The following POFUT3 variants were observed in gnomAD, a reference collection of about 807,000 sequenced individuals.
POFUT3 encodes the protein protein O-fucosyltransferase 3.
At chr8:33,431,508 C>T in the POFUT3 span, among the ~76,000 whole-genome samples, 1,078 of 120,322 alleles carry the variant, frequency 9.0e-3, 6 homozygotes, top group Admixed American at 0.019. Context: ...AGACTGAGCC[C>T]CTGGACTCCA....
the POFUT3 span, chr8:33,360,889 T>C: frequency 6.6e-5 from 10 of 152,206 alleles, no homozygotes; most frequent in African/African-American, 2.4e-4. Flanking sequence ...GCGGAAGTGA[T>C]GGAAGTGGTT....
the POFUT3 span, among the ~76,000 whole-genome samples, chr8:33,434,029 C>T: frequency 3.3e-5 from 5 of 150,240 alleles, no homozygotes; most frequent in East Asian, 2.0e-4. Context: ...TTTGGGAGGC[C>T]GAGGCAGGCA....
At chr8:33,370,169 TAAAAAAAAAAAAAAAAAAAAA>T in the POFUT3 span, among the ~76,000 whole-genome samples, 5 of 39,896 alleles carry the variant, frequency 1.3e-4, no homozygotes, top group Non-Finnish European at 1.6e-4. Flanking sequence ...CCATCTTTAC[TAAAAAAAAAAAAAAAAAAAAA>T]AAAAAAAAAA....
chr8:33,326,149 G>A, the POFUT3 span, among the ~76,000 whole-genome samples: 1 of 152,134 alleles, frequency 6.6e-6, no homozygotes, highest in African/African-American at 2.4e-5. Flanking sequence ...TATATTTCAA[G>A]GCTGTTCACA....
At chr8:33,434,835 C>T in the POFUT3 span, among the ~76,000 whole-genome samples, 4 of 152,214 alleles carry the variant, frequency 2.6e-5, no homozygotes, top group African/African-American at 7.2e-5. Flanking sequence ...CATCGCCTCA[C>T]AGGGCCTTGT....
At chr8:33,341,864 G>C in the POFUT3 span, among the ~76,000 whole-genome samples, 2 of 152,104 alleles carry the variant, frequency 1.3e-5, no homozygotes, top group African/African-American at 4.8e-5. Flanking sequence ...TTCAAGACCA[G>C]CCTGGGCAAC....
the POFUT3 span, among the ~76,000 whole-genome samples, chr8:33,344,865 C>A: frequency 6.6e-6 from 1 of 152,148 alleles, no homozygotes; most frequent in Non-Finnish European, 1.5e-5. Flanking sequence ...GAGGATTTAC[C>A]TTTGTACACG....
chr8:33,438,052 A>C, the POFUT3 span, among the ~76,000 whole-genome samples: 3 of 152,200 alleles, frequency 2.0e-5, no homozygotes, highest in Non-Finnish European at 2.9e-5. Flanking sequence ...ATGCCTATGG[A>C]AGCAAAATAT....
the POFUT3 span, chr8:33,472,966 C>T: frequency 3.9e-5 from 6 of 152,636 alleles, no homozygotes; most frequent in African/African-American, 1.4e-4. Context: ...TCCCAGCTTC[C>T]GTGGGACCAG....
At chr8:33,454,040 T>A in the POFUT3 span, among the ~76,000 whole-genome samples, 1 of 152,112 alleles carries the variant, frequency 6.6e-6, no homozygotes, top group African/African-American at 2.4e-5. Flanking sequence ...GGCAGAAGGA[T>A]TGCTTGAGCC....
chr8:33,399,267 CT>C, the POFUT3 span, among the ~76,000 whole-genome samples: 1 of 152,142 alleles, frequency 6.6e-6, no homozygotes, highest in Non-Finnish European at 1.5e-5. Context: ...AAAACAAGTA[CT>C]TATTCTTTCA....
the POFUT3 span, among the ~76,000 whole-genome samples, chr8:33,309,156 AAAAAAAAAAAAATAT>A: frequency 8.9e-5 from 4 of 44,964 alleles, no homozygotes; most frequent in South Asian, 1.4e-3. Flanking sequence ...AAAAAAAAAA[AAAAAAAAAAAAATAT>A]ATATATATAT....
chr8:33,472,245 A>G, the POFUT3 span, among the ~76,000 whole-genome samples: 247 of 152,322 alleles, frequency 1.6e-3, no homozygotes, highest in Admixed American at 4.0e-3. Flanking sequence ...TCATGCACAA[A>G]ACACTCTAAC....
the POFUT3 span, among the ~76,000 whole-genome samples, chr8:33,381,981 T>A: frequency 1.2e-4 from 19 of 152,184 alleles, no homozygotes; most frequent in Non-Finnish European, 2.8e-4. Context: ...ATACAATTTT[T>A]TTCAACTAGT....
the POFUT3 span, chr8:33,361,386 A>T: frequency 6.6e-6 from 1 of 152,248 alleles, no homozygotes; most frequent in Admixed American, 6.5e-5. Context: ...GTGAACTTTT[A>T]GTACTTTTAA....
At chr8:33,400,434 C>T in the POFUT3 span, among the ~76,000 whole-genome samples, 3 of 151,254 alleles carry the variant, frequency 2.0e-5, no homozygotes, top group East Asian at 5.8e-4. Flanking sequence ...GCCTGGGTGA[C>T]AAAGTGAAAA....
chr8:33,315,753 T>A, the POFUT3 span, among the ~76,000 whole-genome samples: 1 of 152,150 alleles, frequency 6.6e-6, no homozygotes, highest in African/African-American at 2.4e-5. Context: ...ATTTGAATAA[T>A]AAGACCTCTT....
chr8:33,415,162 T>C, the POFUT3 span, among the ~76,000 whole-genome samples: 2 of 152,134 alleles, frequency 1.3e-5, no homozygotes, highest in Middle Eastern at 3.4e-3. Flanking sequence ...CTCAGGAGGC[T>C]GAGGCAGAAG....
the POFUT3 span, among the ~76,000 whole-genome samples, chr8:33,369,705 C>A: frequency 3.9e-5 from 6 of 152,092 alleles, no homozygotes; most frequent in African/African-American, 1.4e-4. Context: ...TGAGCAGGTT[C>A]TTCTATGTGT....
Sources: gnomAD v4.1 joint callset for allele counts (sites outside exome capture counted in the v4.1 genomes callset) on GRCh38, gnomAD v4.1.1 for gene constraint, MANE v1.5 for transcripts, NCBI Gene and HGNC (gene_info 2026-07-23, HGNC 2026-07-21) for gene names.